Variants in LRFN2 observed in about 807,000 individuals in gnomAD.
LRFN2 encodes the protein leucine-rich repeat and fibronectin type-III domain-containing protein 2.
In LRFN2, 18 loss-of-function variants were observed where a neutral mutation model predicts 37.3. The ratio of observed to expected loss-of-function variants is 0.48; its 90% CI spans 0.33 to 0.72. The LOEUF (loss-of-function observed/expected upper bound fraction) is 0.72, where lower values mean the gene tolerates loss of function less well. LRFN2 is among the 30% of genes least tolerant of loss of function. LRFN2 has a pLI of 0.02. For synonymous variants in LRFN2, 556 were observed against 466.6 expected (o/e 1.19, Z -2.47); for missense variants, 1,006 against 1,060.7 (o/e 0.95, Z 0.72).
At chr6:40,568,943 C>T (rs1029401383) in intron 1 of LRFN2, among the ~76,000 whole-genome samples, 3 of 152,136 alleles carry the variant, frequency 2.0e-5, no homozygotes, top group East Asian at 1.9e-4. Context: ...AACTAAGACA[C>T]GCAGAGATCA....
intron 1 of LRFN2, among the ~76,000 whole-genome samples, chr6:40,579,209 C>T (rs909266689): frequency 2.0e-5 from 3 of 152,176 alleles, no homozygotes; most frequent in Non-Finnish European, 4.4e-5. Flanking sequence ...TTGTCATGTG[C>T]TTAGAAGGTG....
At chr6:40,443,381 C>T (rs770695698) in intron 1 of LRFN2, among the ~76,000 whole-genome samples, 7 of 152,244 alleles carry the variant, frequency 4.6e-5, no homozygotes, top group Non-Finnish European at 1.0e-4. Context: ...GCTGCCCTAA[C>T]TCACATGCAT....
chr6:40,461,226 G>C (rs948872051), intron 1 of LRFN2, among the ~76,000 whole-genome samples: 3 of 151,998 alleles, frequency 2.0e-5, no homozygotes, highest in Admixed American at 6.6e-5. Context: ...GGTCAACATA[G>C]CAAGGATTAG....
chr6:40,411,702 C>T (rs770185709), intron 2 of LRFN2, among the ~76,000 whole-genome samples: 2 of 152,002 alleles, frequency 1.3e-5, no homozygotes, highest in Non-Finnish European at 2.9e-5. Context: ...AGTCCAGCTC[C>T]CCTTCAAGTC....
chr6:40,411,376 T>C (rs1762962992), intron 2 of LRFN2, among the ~76,000 whole-genome samples: 1 of 152,204 alleles, frequency 6.6e-6, no homozygotes, highest in African/African-American at 2.4e-5. Context: ...TAGGTACGTA[T>C]GTGAGTGTGA....
At chr6:40,575,507 G>A (rs922972742) in intron 1 of LRFN2, among the ~76,000 whole-genome samples, 4 of 152,272 alleles carry the variant, frequency 2.6e-5, no homozygotes, top group Non-Finnish European at 5.9e-5. Context: ...CTTGCTTGGG[G>A]GCCAAAATGG....
intron 1 of LRFN2, among the ~76,000 whole-genome samples, chr6:40,580,765 T>C (rs1283866935): frequency 6.6e-6 from 1 of 152,186 alleles, no homozygotes; most frequent in East Asian, 1.9e-4. Context: ...AGGGAGTGTG[T>C]GCATGTATGT....
intron 1 of LRFN2, among the ~76,000 whole-genome samples, chr6:40,540,050 G>T (rs1766522833): frequency 6.6e-6 from 1 of 152,154 alleles, no homozygotes; most frequent in Non-Finnish European, 1.5e-5. Flanking sequence ...TCACAGCCCT[G>T]GCGCCGCACA....
chr6:40,478,240 C>G (rs1189760480), intron 1 of LRFN2, among the ~76,000 whole-genome samples: 1 of 152,198 alleles, frequency 6.6e-6, no homozygotes, highest in African/African-American at 2.4e-5. Flanking sequence ...TCTGTGCTAT[C>G]ATCTTATTTG....
In LRFN2 at chr6:40,392,669, G is replaced by T; in HGVS notation, c.1644C>A (p.Val548=). 1 of 1,613,742 alleles carries T rather than the reference G, an allele frequency of 6.2e-7. No homozygotes were observed. Among genetic ancestry groups the T allele is most frequent in the South Asian group, 1.1e-5 (1 of 91,084 alleles). Residue 548 remains valine, a synonymous_variant, in exon 3 of 3, where the codon GTC becomes GTA. Transcript: ENST00000338305. This position sits in a 1 kb window ranked among gnomAD's most constrained non-coding sequence, Gnocchi z 4.7. ...AGCGCACCATGAGGATGACGATGAA[G>T]ACCAGCAGCGTGGCCACGATGATGC... The part of the protein sequence containing the change: ...IGGIIVATLL[V]FIVILMVRYK...
At chr6:40,431,476 T>A (rs927222267) in intron 2 of LRFN2, among the ~76,000 whole-genome samples, 2 of 152,168 alleles carry the variant, frequency 1.3e-5, no homozygotes, top group Admixed American at 1.3e-4. Flanking sequence ...CCGGGAGGTG[T>A]GGTCTTTCTT....
intron 1 of LRFN2, among the ~76,000 whole-genome samples, chr6:40,556,140 G>C (rs989116322): frequency 6.6e-6 from 1 of 152,202 alleles, no homozygotes; most frequent in Non-Finnish European, 1.5e-5. Flanking sequence ...AGTCTGGCAG[G>C]TGTAGAATTG....
At chr6:40,541,633 G>A (rs2504833) in intron 1 of LRFN2, among the ~76,000 whole-genome samples, 6,919 of 152,256 alleles carry the variant, frequency 0.045, 534 homozygotes, top group African/African-American at 0.15. Context: ...ACAGAGAGAA[G>A]GCTTGGGGTG....
intron 2 of LRFN2, among the ~76,000 whole-genome samples, chr6:40,425,995 G>A (rs1384086835): frequency 6.6e-6 from 1 of 152,162 alleles, no homozygotes. Flanking sequence ...GAAACCTCGA[G>A]GTGGGTCACT....
chr6:40,576,169 G>A (rs1268719511), intron 1 of LRFN2, among the ~76,000 whole-genome samples: 1 of 152,148 alleles, frequency 6.6e-6, no homozygotes, highest in Non-Finnish European at 1.5e-5. Context: ...GCTGCAGGTA[G>A]AGCTTTAAAA....
intron 1 of LRFN2, among the ~76,000 whole-genome samples, chr6:40,439,140 G>T (rs574738208): frequency 6.6e-6 from 1 of 152,232 alleles, no homozygotes; most frequent in Non-Finnish European, 1.5e-5. Flanking sequence ...TTAGCAGATG[G>T]CTGGCACGAT....
intron 1 of LRFN2, among the ~76,000 whole-genome samples, chr6:40,493,389 A>G (rs1053418923): frequency 6.6e-5 from 10 of 152,172 alleles, no homozygotes; most frequent in Non-Finnish European, 1.5e-4. Context: ...GGGCAGAGAC[A>G]CTGTTTTCTA....
At chr6:40,469,519 A>G (rs1278188994) in intron 1 of LRFN2, among the ~76,000 whole-genome samples, 1 of 152,164 alleles carries the variant, frequency 6.6e-6, no homozygotes, top group Non-Finnish European at 1.5e-5. Flanking sequence ...CCTCCACCCC[A>G]TGTCTGATTC....
chr6:40,428,454 C>T (rs1763404763), intron 2 of LRFN2, among the ~76,000 whole-genome samples: 1 of 152,164 alleles, frequency 6.6e-6, no homozygotes, highest in Non-Finnish European at 1.5e-5. Context: ...GCAGAGAGGC[C>T]TGTGCCCACT....
Sources: gnomAD v4.1 joint callset for allele counts (sites outside exome capture counted in the v4.1 genomes callset) on GRCh38, gnomAD v4.1.1 for gene constraint, Gnocchi (gnomAD v3.1) non-coding constraint, MANE v1.5 for transcripts, NCBI Gene and HGNC (gene_info 2026-07-23, HGNC 2026-07-21) for gene names.